The following RAB4A variants were observed in gnomAD, a reference collection of about 807,000 sequenced individuals.
RAB4A encodes RAB4A, member RAS oncogene family, also known as ras-related protein Rab-4A.
RAB4A carries 20 observed loss-of-function variants against 34.5 expected under a neutral mutation model. The ratio of observed to expected loss-of-function variants is 0.58; its 90% CI spans 0.41 to 0.84. RAB4A has a LOEUF of 0.84. Among genes scored for constraint, RAB4A ranks in the 40% least tolerant of loss-of-function variants. The pLI is 0.00. For missense variants in RAB4A, 228 were observed against 274.5 expected (o/e 0.83, Z 1.20); for synonymous variants, 102 against 100.0 (o/e 1.02, Z -0.12).
At chr1:229,277,449 C>G (rs1656679964) in intron 1 of RAB4A, among the ~76,000 whole-genome samples, 1 of 151,204 alleles carries the variant, frequency 6.6e-6, no homozygotes, top group African/African-American at 2.5e-5. Context: ...CCTCTCCTAA[C>G]CAGCATTTCA....
chr1:229,297,970 T>C (rs1421456396), intron 5 of RAB4A, among the ~76,000 whole-genome samples: 1 of 152,232 alleles, frequency 6.6e-6, no homozygotes, highest in African/African-American at 2.4e-5. Context: ...TATTTTTTAA[T>C]GTATTTTGAA....
chr1:229,304,948 C>T lies in RAB4A; in HGVS notation c.*1155C>T. The T allele has an allele frequency of 1.8e-6, 1 of 549,896 alleles. No homozygotes were observed. The highest frequency in any genetic ancestry group is 2.7e-6 in the Non-Finnish European group (1 of 363,896). 34.1% of individuals were successfully genotyped at this position (549,896 alleles called of 1,614,324 possible). A position where few individuals can be genotyped will look rare whatever the true frequency, so the allele number is the denominator to read the frequency against. On this transcript the variant is annotated 3_prime_UTR_variant, in exon 8 of 8. Transcript: ENST00000366690. ...GCAAAAAATATATGGTGGAACCTTT[C>T]TTTAAAGTTGAAATGCAGTATTATT...
intron 1 of RAB4A, among the ~76,000 whole-genome samples, chr1:229,280,624 G>A (rs940251520): frequency 2.0e-5 from 3 of 151,944 alleles, no homozygotes; most frequent in African/African-American, 4.8e-5. Flanking sequence ...GAAAAAATAC[G>A]GAGTTCTCAT....
rs1317644451 is a variant in RAB4A at position 229,302,946 on chromosome 1, A to G, written c.626A>G (p.Gln209Arg). ...LRQLRSPRRAQAPNAQECGC is the reference protein window; with the variant it reads ...LRQLRSPRRARAPNAQECGC Reference sequence around the variant, plus strand: ...CAGCTGAGGTCACCGCGGCGCGCACAGGCCCCGAACGCTCAGGAGTGTGGT... The same window carrying G: ...CAGCTGAGGTCACCGCGGCGCGCACGGGCCCCGAACGCTCAGGAGTGTGGT... The change falls in exon 7 of 8, where the codon CAG becomes CGG. Residue 209 changes from glutamine to arginine, a missense_variant. Transcript: ENST00000366690. 1 of 1,613,954 alleles carries G rather than the reference A, an allele frequency of 6.2e-7. No homozygotes were observed. The highest frequency in any genetic ancestry group is 1.3e-5 in the African/African-American group (1 of 75,016).
At chr1:229,275,909 A>G (rs930467487) in intron 1 of RAB4A, among the ~76,000 whole-genome samples, 3 of 151,288 alleles carry the variant, frequency 2.0e-5, no homozygotes, top group South Asian at 4.2e-4. Context: ...TACAGGCGTG[A>G]GCCACCGTGC....
At chr1:229,290,776 G>A (rs1032093121) in intron 3 of RAB4A, among the ~76,000 whole-genome samples, 1 of 152,128 alleles carries the variant, frequency 6.6e-6, no homozygotes, top group Admixed American at 6.5e-5. Flanking sequence ...AGAATAATAT[G>A]TTAAATAAAC....
At chr1:229,302,083 C>G (rs1657398028) in intron 6 of RAB4A, among the ~76,000 whole-genome samples, 4 of 150,718 alleles carry the variant, frequency 2.7e-5, no homozygotes, top group Admixed American at 2.0e-4. Flanking sequence ...ATTTCAAAAT[C>G]TGAAAAAATC....
In RAB4A at chr1:229,305,482, A is replaced by G. The variant is rs779567155; in HGVS notation, c.*1689A>G. On this transcript the variant is annotated 3_prime_UTR_variant, in exon 8 of 8. Coordinates refer to ENST00000366690, the MANE Select transcript of RAB4A (RefSeq NM_004578.4). Reference sequence around the variant, plus strand: ...TATATCCTTCTGCATCCTTTGGCCAATAAAAGTTGCTGGAGAACCAAACCA... The same window carrying G: ...TATATCCTTCTGCATCCTTTGGCCAGTAAAAGTTGCTGGAGAACCAAACCA... The G allele has an allele frequency of 1.6e-5, 8 of 496,326 alleles. No homozygotes were observed. In the Admixed American group the frequency reaches 1.8e-4, roughly 11 times the overall value. 30.7% of individuals were successfully genotyped at this position (496,326 alleles called of 1,614,324 possible). A position where few individuals can be genotyped will look rare whatever the true frequency, so the allele number is the denominator to read the frequency against.
intron 1 of RAB4A, among the ~76,000 whole-genome samples, chr1:229,274,122 G>A (rs1571818978): frequency 7.1e-6 from 1 of 140,308 alleles, no homozygotes; most frequent in African/African-American, 2.6e-5. Context: ...ACACAATCAC[G>A]GCTCACTGCC....
At chr1:229,273,921 T>TA (rs1248077957) in intron 1 of RAB4A, among the ~76,000 whole-genome samples, 3 of 152,208 alleles carry the variant, frequency 2.0e-5, no homozygotes, top group African/African-American at 2.4e-5. Context: ...GCCTCTGAGC[T>TA]GGTGAAGGAA....
chr1:229,289,219 G>A (rs1397840584), intron 3 of RAB4A: 1 of 182,266 alleles, frequency 5.5e-6, no homozygotes, highest in African/African-American at 2.4e-5. Flanking sequence ...GGTTTGTTTT[G>A]TTTTACATTA....
chr1:229,287,751 A>G (rs756257919), intron 2 of RAB4A, among the ~76,000 whole-genome samples: 17 of 152,140 alleles, frequency 1.1e-4, no homozygotes, highest in Non-Finnish European at 1.6e-4. Flanking sequence ...CTGTCTGGGC[A>G]TGAAACAGAC....
intron 1 of RAB4A, among the ~76,000 whole-genome samples, chr1:229,273,232 A>G (rs1656544387): frequency 6.6e-6 from 1 of 152,240 alleles, no homozygotes; most frequent in African/African-American, 2.4e-5. Flanking sequence ...CATGATAACA[A>G]CTGATAAAAT....
intron 1 of RAB4A, among the ~76,000 whole-genome samples, chr1:229,275,313 C>A (rs1018708983): frequency 6.6e-6 from 1 of 152,090 alleles, no homozygotes; most frequent in Non-Finnish European, 1.5e-5. Flanking sequence ...CCAAGGAGTG[C>A]CAAGGGGTGG....
chr1:229,302,880 G>A lies in RAB4A; in HGVS notation c.560G>A (p.Arg187Lys), dbSNP rs759364022. ...TCCTTAGGTGAGCTGGACCCAGAAA[G>A]AATGGGCTCAGGTATTCAGTACGGA... ...KIESGELDPE[R>K]MGSGIQYGDA... The change falls in exon 7 of 8, where the codon AGA becomes AAA. Residue 187 changes from arginine to lysine, a missense_variant. By Grantham distance (26) the Arg-to-Lys change is conservative (BLOSUM62 2). Coordinates refer to ENST00000366690, the MANE Select transcript of RAB4A (RefSeq NM_004578.4). The A allele has an allele frequency of 1.7e-5, 28 of 1,613,168 alleles. No homozygotes were observed. Among genetic ancestry groups the A allele is most frequent in the Non-Finnish European group, 1.7e-6 (2 of 1,179,660 alleles).
intron 6 of RAB4A, among the ~76,000 whole-genome samples, chr1:229,299,482 T>G (rs919628352): frequency 6.6e-6 from 1 of 152,196 alleles, no homozygotes. Flanking sequence ...ATAGTGTTGA[T>G]TGTTGCAGAT....
rs1002124131 is a variant in RAB4A at position 229,305,117 on chromosome 1, A to G, written c.*1324A>G. On this transcript the variant is annotated 3_prime_UTR_variant, in exon 8 of 8. Coordinates refer to ENST00000366690, the MANE Select transcript of RAB4A (RefSeq NM_004578.4). ...ATTTTAATCAGCAGAGCACAGAGAC[A>G]CATAAAAACTCTGGGAAATGACTAG... 3 of 1,568,382 alleles carry G rather than the reference A, an allele frequency of 1.9e-6. No individual in the cohort carries two copies. The highest frequency in any genetic ancestry group is 2.6e-6 in the Non-Finnish European group (3 of 1,159,762).
chr1:229,277,631 TG>T (rs1199965309), intron 1 of RAB4A, among the ~76,000 whole-genome samples: 1 of 151,432 alleles, frequency 6.6e-6, no homozygotes, highest in African/African-American at 2.5e-5. Context: ...TCTTGCTCTT[TG>T]CTCTAACTCC....
In RAB4A at chr1:229,294,992, T is replaced by C. The variant is rs182848498; in HGVS notation, c.228-856T>C. ...TGAACTCCTGGCTTTTTTTTTTTTT[T>C]CTTTCTGTTGCCTGGGCTGGAGTGC... On this transcript the variant is annotated intron_variant, in intron 3 of 7. Transcript: ENST00000366690. Among the ~76,000 whole-genome samples, 33 of 151,900 alleles carry C rather than the reference T, an allele frequency of 2.2e-4. No individual in the cohort carries two copies. In the East Asian group the frequency reaches 6.2e-3, roughly 29 times the overall value.
Sources: gnomAD v4.1 joint callset for allele counts (sites outside exome capture counted in the v4.1 genomes callset) on GRCh38, gnomAD v4.1.1 for gene constraint, MANE v1.5 for transcripts, NCBI Gene and HGNC (gene_info 2026-07-23, HGNC 2026-07-21) for gene names.